The following LPP variants were observed in gnomAD, a reference collection of about 807,000 sequenced individuals.
LPP encodes LIM domain containing preferred translocation partner in lipoma.
A neutral mutation model predicts 60.4 loss-of-function variants in LPP; 38 were observed. That is an observed-to-expected ratio of 0.63 (90% CI 0.49 to 0.83). LPP has a LOEUF of 0.83. Ranked by LOEUF, LPP falls within the 40% of genes least tolerant of loss-of-function variation. LPP has a pLI of 0.00. For missense variants in LPP, 902 were observed against 783.6 expected, an observed-to-expected ratio of 1.15 and a Z score of -1.80; for synonymous variants, 328 against 290.8, an observed-to-expected ratio of 1.13 and a Z score of -1.30.
chr3:188,376,006 T>C (rs146000678), intron 3 of LPP, among the ~76,000 whole-genome samples: 1,700 of 152,350 alleles, frequency 0.011, 28 homozygotes, highest in African/African-American at 0.037. Context: ...TTCACGTAGT[T>C]GAGCTGTTTT....
chr3:188,330,998 T>A (rs1445583413), intron 2 of LPP, among the ~76,000 whole-genome samples: 1 of 152,202 alleles, frequency 6.6e-6, no homozygotes, highest in East Asian at 1.9e-4. Context: ...AGTCTTCTTA[T>A]TTTTTCTTCC....
At chr3:188,479,696 A>G (rs779927817) in intron 4 of LPP, among the ~76,000 whole-genome samples, 1 of 152,230 alleles carries the variant, frequency 6.6e-6, no homozygotes, top group Non-Finnish European at 1.5e-5. Context: ...ATCAAGTATT[A>G]CAGATGCTCT....
At chr3:188,675,058 A>T (rs1180635335) in intron 7 of LPP, among the ~76,000 whole-genome samples, 1 of 44,854 alleles carries the variant, frequency 2.2e-5, no homozygotes, top group Non-Finnish European at 4.3e-5. Context: ...TAATTCAGAA[A>T]TTTTTTGAAG....
At chr3:188,198,520 G>C (rs549905062) in intron 1 of LPP, among the ~76,000 whole-genome samples, 1 of 152,152 alleles carries the variant, frequency 6.6e-6, no homozygotes, top group East Asian at 1.9e-4. Context: ...GTAGGCACTG[G>C]GTGGAGTGCT....
intron 9 of LPP, among the ~76,000 whole-genome samples, chr3:188,832,909 C>T (rs1222803176): frequency 1.3e-5 from 2 of 152,168 alleles, no homozygotes; most frequent in Non-Finnish European, 1.5e-5. Flanking sequence ...AGTCTGCCTC[C>T]TTCATGACAA....
intron 3 of LPP, among the ~76,000 whole-genome samples, chr3:188,355,541 C>T (rs2150874010): frequency 6.6e-6 from 1 of 152,234 alleles, no homozygotes; most frequent in African/African-American, 2.4e-5. Context: ...TGTTTACATA[C>T]TGGCTCAAAC....
chr3:188,424,803 A>T (rs1553894742), intron 4 of LPP, among the ~76,000 whole-genome samples: 1 of 152,186 alleles, frequency 6.6e-6, no homozygotes, highest in Non-Finnish European at 1.5e-5. Flanking sequence ...TTGTATCCTG[A>T]GACTTTGCTG....
chr3:188,873,729 T>C (rs1236008083), intron 11 of LPP, among the ~76,000 whole-genome samples: 1 of 152,216 alleles, frequency 6.6e-6, no homozygotes, highest in African/African-American at 2.4e-5. Flanking sequence ...TCAGGAGGCC[T>C]GTCCCCTGGA....
intron 8 of LPP, among the ~76,000 whole-genome samples, chr3:188,730,045 A>G (rs1577234102): frequency 1.3e-5 from 2 of 152,308 alleles, no homozygotes; most frequent in East Asian, 3.9e-4. Flanking sequence ...AAAAATGGCC[A>G]TGATGTTTTA....
intron 5 of LPP, among the ~76,000 whole-genome samples, chr3:188,497,755 T>C (rs763634670): frequency 9.9e-5 from 15 of 152,216 alleles, no homozygotes; most frequent in Non-Finnish European, 1.9e-4. Context: ...TATTATCATT[T>C]TATATCAAGC....
chr3:188,784,137 G>A (rs920071291), intron 9 of LPP, among the ~76,000 whole-genome samples: 12 of 150,734 alleles, frequency 8.0e-5, no homozygotes, highest in Non-Finnish European at 1.6e-4. Flanking sequence ...TTGCGTCCTC[G>A]TGGCTTAGCT....
intron 4 of LPP, among the ~76,000 whole-genome samples, chr3:188,466,186 A>G (rs1195461401): frequency 1.3e-5 from 2 of 152,154 alleles, no homozygotes; most frequent in Non-Finnish European, 2.9e-5. Context: ...TTCATTTTCA[A>G]CACGGCAGTG....
intron 2 of LPP, among the ~76,000 whole-genome samples, chr3:188,271,263 C>T (rs1317909828): frequency 1.3e-5 from 2 of 152,138 alleles, no homozygotes; most frequent in Non-Finnish European, 2.9e-5. Flanking sequence ...TTTCACTTGC[C>T]CCTCTTATTG....
intron 8 of LPP, among the ~76,000 whole-genome samples, chr3:188,742,331 G>A (rs929166234): frequency 1.3e-5 from 2 of 151,914 alleles, no homozygotes; most frequent in Non-Finnish European, 1.5e-5. Context: ...TTACACAAAG[G>A]CTTGTACACA....
intron 5 of LPP, among the ~76,000 whole-genome samples, chr3:188,521,590 A>G (rs914638606): frequency 2.0e-5 from 3 of 152,190 alleles, no homozygotes; most frequent in Non-Finnish European, 2.9e-5. Context: ...ATAATTAACA[A>G]TAGCTATATT....
In LPP at chr3:188,887,290, T is replaced by G. The variant is rs1339693902; in HGVS notation, c.*12811T>G. On this transcript the variant is annotated 3_prime_UTR_variant, in exon 12 of 12. Transcript: ENST00000617246. ...TTATTCTTTCTTGGGAGACGTTAAG[T>G]ATAAAAGGGAAAAAGTCAGTTCCTT... is the stretch of plus-strand genomic sequence containing the variant. The G allele has an allele frequency of 4.6e-6, 1 of 217,628 alleles. No homozygotes were observed. The highest frequency in any genetic ancestry group is 9.2e-6 in the Non-Finnish European group (1 of 108,254). The allele number at this position is 217,628 out of a possible 1,614,324, so 13.5% of individuals were successfully genotyped here.
chr3:188,473,638 A>G (rs1355510996), intron 4 of LPP, among the ~76,000 whole-genome samples: 2 of 152,204 alleles, frequency 1.3e-5, no homozygotes, highest in Non-Finnish European at 2.9e-5. Context: ...ATGAGTTTCA[A>G]TACCTCAAGC....
rs187480377 is a variant in LPP, at chr3:188,196,490, C to G, written c.-189-28915C>G. ...CACGTCCTGCCCACTTCCCTCCTCC[C>G]TCTACCTTTGGAGCCTGTCCTCCAT... On this transcript the variant is annotated intron_variant, in intron 1 of 11. Coordinates refer to ENST00000617246, the MANE Select transcript of LPP (RefSeq NM_001375462.1). Among the ~76,000 whole-genome samples, 3 of 152,290 alleles carry G rather than the reference C, an allele frequency of 2.0e-5. No homozygotes were observed. In the East Asian group the frequency reaches 5.8e-4, roughly 29 times the overall value.
chr3:188,453,813 T>C (rs1324244553), intron 4 of LPP, among the ~76,000 whole-genome samples: 1 of 152,102 alleles, frequency 6.6e-6, no homozygotes, highest in Non-Finnish European at 1.5e-5. Context: ...TTAGGCTTCT[T>C]AGCATTCTAC....
Sources: allele counts gnomAD v4.1 joint callset (sites outside exome capture counted in the v4.1 genomes callset), GRCh38; gene constraint gnomAD v4.1.1; transcripts MANE v1.5; gene names NCBI Gene and HGNC (gene_info 2026-07-23, HGNC 2026-07-21).